The following POMK variants were observed in gnomAD, a reference collection of about 807,000 sequenced individuals.
POMK encodes the protein Sugen kinase 196.
Under a neutral mutation model 23.0 loss-of-function variants are expected in POMK, and 19 were observed. That is an observed-to-expected ratio of 0.83 (90% confidence interval 0.58 to 1.21). The LOEUF (loss-of-function observed/expected upper bound fraction) is 1.21. POMK is among the 50% of genes most tolerant of loss of function. POMK has a pLI of 0.00. For missense variants in POMK, 410 were observed against 431.3 expected (o/e 0.95, Z 0.44); for synonymous variants, 173 against 171.6 (o/e 1.01, Z -0.06).
intron 4 of POMK, among the ~76,000 whole-genome samples, chr8:43,111,325 T>C (rs1198445045): frequency 6.6e-6 from 1 of 152,196 alleles, no homozygotes; most frequent in East Asian, 1.9e-4. Flanking sequence ...CACTCATTGC[T>C]AGCACAGCAG....
chr8:43,116,242 A>G (rs888232779), intron 4 of POMK, among the ~76,000 whole-genome samples: 3 of 152,192 alleles, frequency 2.0e-5, no homozygotes, highest in Non-Finnish European at 4.4e-5. Context: ...AGCAGTTAAA[A>G]TATTGTAAGA....
At position 43,122,228 on chromosome 8, in the gene POMK, T is replaced by G; in HGVS notation, c.404T>G (p.Val135Gly). The stretch of plus-strand genomic sequence containing the variant: ...AAATCTCTCCAAGGCACACATGTTG[T>G]CACGCTGCTTGGCTATTGTGAGGAT... ...MLKSLQGTHVVTLLGYCEDDN... is the reference protein window; with the variant it reads ...MLKSLQGTHVGTLLGYCEDDN... The change falls in exon 5 of 5, where the codon GTC becomes GGC. Residue 135 changes from valine (V) to glycine (G), a missense_variant. Coordinates refer to ENST00000331373, the MANE Select transcript of POMK (RefSeq NM_032237.5). 6.2e-7 allele frequency: 1 copy of G among 1,614,228 alleles called. No individual in the cohort carries two copies.
At chr8:43,095,238 C>T (rs1811311213) in intron 1 of POMK, among the ~76,000 whole-genome samples, 2 of 152,204 alleles carry the variant, frequency 1.3e-5, no homozygotes, top group African/African-American at 4.8e-5. Flanking sequence ...ATTACTTCAC[C>T]TCTGACTCAG....
rs762781994 is a variant in POMK at position 43,103,587 on chromosome 8, C to T, written c.39C>T (p.Ala13=). ...KQPQNSRRGL[A]PREVPPAVGL... ...CCCAGAACAGCAGGAGAGGCCTCGC[C>T]CCCCGAGAGGTGCCGCCAGCTGTTG... Residue 13 remains alanine (A), a synonymous_variant, in exon 4 of 5, where the codon GCC becomes GCT. Coordinates refer to ENST00000331373, the MANE Select transcript of POMK (RefSeq NM_032237.5). The T allele has an allele frequency of 3.7e-6, 6 of 1,614,046 alleles. No homozygotes were observed. Among genetic ancestry groups the T allele is most frequent in the Non-Finnish European group, 5.1e-6 (6 of 1,180,048 alleles).
chr8:43,099,469 G>A (rs1250339693), intron 2 of POMK, among the ~76,000 whole-genome samples: 2 of 152,174 alleles, frequency 1.3e-5, no homozygotes, highest in Non-Finnish European at 2.9e-5. Context: ...TGAACTCTGG[G>A]GGACCCCACT....
At chr8:43,112,282 G>T (rs146318185) in intron 4 of POMK, among the ~76,000 whole-genome samples, 1 of 152,238 alleles carries the variant, frequency 6.6e-6, no homozygotes, top group South Asian at 2.1e-4. Flanking sequence ...ACAAGCCTCA[G>T]TAACCTATGC....
intron 4 of POMK, among the ~76,000 whole-genome samples, chr8:43,114,212 G>T (rs1811744715): frequency 1.3e-5 from 2 of 152,244 alleles, no homozygotes; most frequent in African/African-American, 4.8e-5. Context: ...TGTCCCCAGA[G>T]GTGGAGCCTA....
chr8:43,120,921 C>G (rs934542616), intron 4 of POMK, among the ~76,000 whole-genome samples: 1 of 152,188 alleles, frequency 6.6e-6, no homozygotes, highest in African/African-American at 2.4e-5. Flanking sequence ...AGGTGATCCA[C>G]CCGCCTTGGC....
At chr8:43,097,930 A>G (rs1406260860) in intron 2 of POMK, among the ~76,000 whole-genome samples, 5 of 152,156 alleles carry the variant, frequency 3.3e-5, no homozygotes, top group African/African-American at 1.2e-4. Context: ...GCTGCAGTGC[A>G]GACTTAGAAA....
rs149636043 is a variant in POMK at position 43,094,465 on chromosome 8, A to G, written c.-210+902A>G. ...TTGGGTGTTTATTCTGCACGAGATC[A>G]TTGTTGCCAGGAGGTGTTAAGTGTA... On this transcript the variant is annotated intron_variant, in intron 1 of 4. Coordinates refer to ENST00000331373, the MANE Select transcript of POMK (RefSeq NM_032237.5). Among the ~76,000 whole-genome samples the G allele has an allele frequency of 2.0e-5, 3 of 152,344 alleles. No individual in the cohort carries two copies. In the East Asian group the frequency reaches 5.8e-4, roughly 29 times the overall value.
rs1811945586 is a variant in POMK at position 43,122,638 on chromosome 8, C to G, written c.814C>G (p.Leu272Val). 6.2e-7 allele frequency: 1 copy of G among 1,614,202 alleles called. No homozygotes were observed. Among genetic ancestry groups the G allele is most frequent in the Non-Finnish European group, 8.5e-7 (1 of 1,180,032 alleles). Reference protein sequence around the residue: ...YGEDVPFHDDLMPSYDEKIDI... With the variant: ...YGEDVPFHDDVMPSYDEKIDI... Reference sequence around the variant, plus strand: ...AGAGGACGTGCCTTTCCACGATGATCTCATGCCCTCATATGATGAGAAGAT... The same window carrying G: ...AGAGGACGTGCCTTTCCACGATGATGTCATGCCCTCATATGATGAGAAGAT... The change falls in exon 5 of 5, where the codon CTC becomes GTC. Residue 272 changes from leucine to valine, a missense_variant. By Grantham distance (32) the Leu-to-Val change is conservative. Coordinates refer to ENST00000331373, the MANE Select transcript of POMK (RefSeq NM_032237.5).
At chr8:43,116,117 A>C (rs953488912) in intron 4 of POMK, among the ~76,000 whole-genome samples, 16 of 152,150 alleles carry the variant, frequency 1.1e-4, no homozygotes, top group Non-Finnish European at 1.6e-4. Flanking sequence ...TTTCCAATAT[A>C]CTTTATACAT....
At chr8:43,094,180 G>C (rs376457812) in intron 1 of POMK, among the ~76,000 whole-genome samples, 1 of 152,168 alleles carries the variant, frequency 6.6e-6, no homozygotes, top group Non-Finnish European at 1.5e-5. Context: ...GGGATTACAG[G>C]CGTCCGCCAC....
At chr8:43,097,686 T>C (rs1811362467) in intron 2 of POMK, 71 bp downstream of exon 2, 1 of 151,430 alleles carries the variant, frequency 6.6e-6, no homozygotes, top group South Asian at 2.1e-4. Context: ...ATGCAAGCAG[T>C]TGTGAGGGAG....
intron 2 of POMK, among the ~76,000 whole-genome samples, chr8:43,098,786 T>C (rs1004141189): frequency 6.6e-6 from 1 of 152,176 alleles, no homozygotes; most frequent in Non-Finnish European, 1.5e-5. Context: ...TTTTGTATTA[T>C]AGCCATCCTC....
intron 4 of POMK, among the ~76,000 whole-genome samples, chr8:43,111,672 A>G (rs866629830): frequency 6.6e-6 from 1 of 152,342 alleles, no homozygotes; most frequent in African/African-American, 2.4e-5. Context: ...GGCACCCCCC[A>G]GTAGGGGCAG....
chr8:43,116,890 C>T (rs769871823), intron 4 of POMK, among the ~76,000 whole-genome samples: 20 of 151,888 alleles, frequency 1.3e-4, no homozygotes, highest in Non-Finnish European at 2.4e-4. Context: ...GGGCTGAGTC[C>T]GAAAAGAGAG....
At chr8:43,115,058 ATT>A (rs1811769086) in intron 4 of POMK, among the ~76,000 whole-genome samples, 1 of 152,102 alleles carries the variant, frequency 6.6e-6, no homozygotes, top group Non-Finnish European at 1.5e-5. Flanking sequence ...CTCTTAAATT[ATT>A]TTGTAGCTCT....
At chr8:43,112,430 A>G (rs1811693157) in intron 4 of POMK, among the ~76,000 whole-genome samples, 1 of 152,214 alleles carries the variant, frequency 6.6e-6, no homozygotes, top group South Asian at 2.1e-4. Flanking sequence ...GACCAAATCT[A>G]CGTCTGATTG....
Sources: allele counts gnomAD v4.1 joint callset (sites outside exome capture counted in the v4.1 genomes callset), GRCh38; gene constraint gnomAD v4.1.1; transcripts MANE v1.5; gene names NCBI Gene and HGNC (gene_info 2026-07-23, HGNC 2026-07-21).